The following ADAMTS17 variants were observed in gnomAD, a reference collection of about 807,000 sequenced individuals.
ADAMTS17 encodes A disintegrin and metalloproteinase with thrombospondin motifs 17.
ADAMTS17 carries 113 observed loss-of-function variants against 141.5 expected under a neutral mutation model. The ratio of observed to expected loss-of-function variants is 0.80; its 90% CI spans 0.69 to 0.93. ADAMTS17 has a LOEUF of 0.93. ADAMTS17 is among the 40% of genes least tolerant of loss of function. The pLI, the probability that ADAMTS17 is intolerant of heterozygous loss-of-function variation, is 0.00. For synonymous variants in ADAMTS17, 768 were observed against 630.6 expected, an observed-to-expected ratio of 1.22 and a Z score of -3.27; for missense variants, 1,659 against 1,517.9, an observed-to-expected ratio of 1.09 and a Z score of -1.54.
Position 100,281,344 on chromosome 15 carries a change from G to C in ADAMTS17, c.674C>G (p.Ala225Gly). 6.2e-7 allele frequency: 1 copy of C among 1,610,742 alleles called. No homozygotes were observed. The highest frequency in any genetic ancestry group is 2.2e-5 in the East Asian group (1 of 44,876). ...PSRDWRERRN[A>G]IRLTSEHTVE... Reference sequence around the variant, plus strand: ...CGTGTGCTCGCTGGTGAGCCGGATAGCGTTCCTCCGCTCCCGCCAGTCCCG... The same window carrying C: ...CGTGTGCTCGCTGGTGAGCCGGATACCGTTCCTCCGCTCCCGCCAGTCCCG... The change falls in exon 4 of 22, where the codon GCT becomes GGT. Residue 225 changes from alanine (A) to glycine (G), a missense_variant. Coordinates refer to ENST00000268070, the MANE Select transcript of ADAMTS17 (RefSeq NM_139057.4).
At chr15:100,002,477 A>G (rs917102916) in intron 18 of ADAMTS17, among the ~76,000 whole-genome samples, 3 of 152,028 alleles carry the variant, frequency 2.0e-5, no homozygotes, top group Admixed American at 6.5e-5. Context: ...GTTGACACAG[A>G]GGCCACATCC....
intron 14 of ADAMTS17, among the ~76,000 whole-genome samples, chr15:100,106,845 AATG>A (rs1165431316): frequency 1.3e-5 from 2 of 152,228 alleles, no homozygotes; most frequent in Non-Finnish European, 2.9e-5. Flanking sequence ...TTTCAGTAAC[AATG>A]ATAAGGGCTT....
chr15:100,308,450 G>A (rs769392533), intron 3 of ADAMTS17, among the ~76,000 whole-genome samples: 19 of 152,150 alleles, frequency 1.2e-4, no homozygotes, highest in Non-Finnish European at 2.5e-4. Flanking sequence ...TGAGCAAAGT[G>A]CCCACGTCAT....
intron 20 of ADAMTS17, among the ~76,000 whole-genome samples, chr15:99,991,431 C>T (rs897087417): frequency 7.2e-5 from 11 of 152,212 alleles, no homozygotes; most frequent in African/African-American, 2.7e-4. Flanking sequence ...AGCTCATCAT[C>T]ACTGGTCATT....
intron 10 of ADAMTS17, among the ~76,000 whole-genome samples, chr15:100,149,321 CGTGA>C (rs1728923706): frequency 6.6e-6 from 1 of 152,214 alleles, no homozygotes; most frequent in Non-Finnish European, 1.5e-5. Context: ...CCCAAAAGAG[CGTGA>C]GTGTGTTGGA....
intron 20 of ADAMTS17, among the ~76,000 whole-genome samples, chr15:99,987,404 G>C (rs1236967845): frequency 6.6e-6 from 1 of 152,316 alleles, no homozygotes; most frequent in African/African-American, 2.4e-5. Flanking sequence ...CACAACTACA[G>C]TGATACACGG....
At chr15:100,140,833 G>A (rs1473245682) in intron 10 of ADAMTS17, among the ~76,000 whole-genome samples, 2 of 152,074 alleles carry the variant, frequency 1.3e-5, no homozygotes, top group African/African-American at 4.8e-5. Context: ...TCTGCAGTGA[G>A]ATGGGGCGCT....
intron 7 of ADAMTS17, among the ~76,000 whole-genome samples, chr15:100,219,871 T>TA (rs1161547527): frequency 2.6e-5 from 4 of 152,190 alleles, no homozygotes; most frequent in Non-Finnish European, 5.9e-5. Context: ...CCTTTAATCC[T>TA]TTCTACTTTC....
chr15:100,245,039 C>G (rs1356344063), intron 7 of ADAMTS17, among the ~76,000 whole-genome samples: 1 of 152,230 alleles, frequency 6.6e-6, no homozygotes, highest in Non-Finnish European at 1.5e-5. Flanking sequence ...GGCAATGGAG[C>G]ATGCAACTGC....
At chr15:100,231,355 CTCATT>C (rs1836999957) in intron 7 of ADAMTS17, among the ~76,000 whole-genome samples, 1 of 152,192 alleles carries the variant, frequency 6.6e-6, no homozygotes, top group African/African-American at 2.4e-5. Flanking sequence ...CTGGCTAATT[CTCATT>C]TCATTAAAGA....
At chr15:100,167,150 A>G (rs2039981460) in intron 8 of ADAMTS17, among the ~76,000 whole-genome samples, 1 of 152,154 alleles carries the variant, frequency 6.6e-6, no homozygotes, top group African/African-American at 2.4e-5. Flanking sequence ...TAGCACCCAG[A>G]CCACACAAGC....
intron 15 of ADAMTS17, among the ~76,000 whole-genome samples, chr15:100,083,392 C>A (rs1166328703): frequency 6.6e-6 from 1 of 152,170 alleles, no homozygotes; most frequent in Non-Finnish European, 1.5e-5. Flanking sequence ...TCAGCAAAAC[C>A]AAGTATATTC....
intron 7 of ADAMTS17, among the ~76,000 whole-genome samples, chr15:100,242,860 A>C (rs940006393): frequency 6.6e-6 from 1 of 152,232 alleles, no homozygotes; most frequent in Non-Finnish European, 1.5e-5. Context: ...TACCTATTTT[A>C]AGTGTACGGT....
At chr15:100,080,456 G>A (rs138360785) in intron 15 of ADAMTS17, among the ~76,000 whole-genome samples, 6 of 152,266 alleles carry the variant, frequency 3.9e-5, no homozygotes, top group African/African-American at 1.4e-4. Context: ...CATGCCCTGT[G>A]ACTAAGGTCA....
chr15:100,067,783 T>C (rs1346800540), intron 15 of ADAMTS17, among the ~76,000 whole-genome samples: 1 of 152,008 alleles, frequency 6.6e-6, no homozygotes, highest in African/African-American at 2.4e-5. Flanking sequence ...AGAGCCAAGA[T>C]GGCCGAATAG....
intron 4 of ADAMTS17, among the ~76,000 whole-genome samples, chr15:100,277,060 C>A (rs2044122342): frequency 6.6e-6 from 1 of 152,114 alleles, no homozygotes; most frequent in Non-Finnish European, 1.5e-5. Context: ...TGCTTCCATT[C>A]GCCTTCTGGC....
chr15:100,015,353 T>C lies in ADAMTS17; in HGVS notation c.2592-17764A>G, dbSNP rs1193730534. On this transcript the variant is annotated intron_variant, in intron 18 of 21. Transcript: ENST00000268070. Reference sequence around the variant, plus strand: ...AGGCCATTTACATTCAATGTTCCTATTGGGATGTGAGGTACCGTTGCATTT... The same window carrying C: ...AGGCCATTTACATTCAATGTTCCTACTGGGATGTGAGGTACCGTTGCATTT... Among the ~76,000 whole-genome samples the C allele has an allele frequency of 3.3e-5, 5 of 152,332 alleles. No homozygotes were observed. In the East Asian group the frequency reaches 9.6e-4, roughly 29 times the overall value.
At chr15:100,087,123 A>C (rs148075572) in intron 15 of ADAMTS17, among the ~76,000 whole-genome samples, 212 of 152,352 alleles carry the variant, frequency 1.4e-3, no homozygotes, top group African/African-American at 4.8e-3. Context: ...AACAGAGAAG[A>C]ATCAAATAGA....
intron 18 of ADAMTS17, among the ~76,000 whole-genome samples, chr15:100,036,841 C>T (rs1193067379): frequency 2.6e-5 from 4 of 152,158 alleles, no homozygotes; most frequent in Non-Finnish European, 5.9e-5. Flanking sequence ...TCACATGTGA[C>T]CTTTTGTGTC....
Sources: allele counts gnomAD v4.1 joint callset (sites outside exome capture counted in the v4.1 genomes callset), GRCh38; gene constraint gnomAD v4.1.1; transcripts MANE v1.5; gene names NCBI Gene and HGNC (gene_info 2026-07-23, HGNC 2026-07-21).